Variants in SPAG17 observed in about 807,000 individuals in gnomAD.
SPAG17 encodes sperm-associated antigen 17.
A neutral mutation model predicts 273.6 loss-of-function variants in SPAG17; 169 were observed. That is an observed-to-expected ratio of 0.62 (90% CI 0.55 to 0.70). The LOEUF (loss-of-function observed/expected upper bound fraction) is 0.70, where lower values mean the gene tolerates loss of function less well. Among genes scored for constraint, SPAG17 ranks in the 30% least tolerant of loss-of-function variants. The probability of loss-of-function intolerance (pLI) is 0.00; values close to 1 mark genes in which losing one functional copy is unlikely to be tolerated. For synonymous variants in SPAG17, 825 were observed against 873.2 expected, an observed-to-expected ratio of 0.94 and a Z score of 0.97; for missense variants, 2,557 against 2,627.8, an observed-to-expected ratio of 0.97 and a Z score of 0.59.
chr1:117,988,979 A>G (rs1381622277), intron 38 of SPAG17, among the ~76,000 whole-genome samples: 1 of 152,216 alleles, frequency 6.6e-6, no homozygotes, highest in Non-Finnish European at 1.5e-5. Context: ...TTTGTTTAAA[A>G]AAATACGTTA....
chr1:118,072,042 A>G (rs546703132), intron 17 of SPAG17, among the ~76,000 whole-genome samples: 2 of 152,350 alleles, frequency 1.3e-5, no homozygotes, highest in African/African-American at 2.4e-5. Context: ...TGGAACAAAG[A>G]GAAGATCTTA....
intron 9 of SPAG17, 27 bp downstream of exon 9, chr1:118,091,903 T>C (rs1350683679): frequency 3.1e-6 from 5 of 1,611,430 alleles, no homozygotes; most frequent in Non-Finnish European, 4.2e-6. Context: ...ATGGTGTTGA[T>C]CCTCCAGCAG....
intron 38 of SPAG17, 104 bp downstream of exon 38, chr1:117,990,757 C>T (rs1305375161): frequency 5.7e-6 from 4 of 702,028 alleles, no homozygotes; most frequent in Non-Finnish European, 9.8e-6. Flanking sequence ...GAGATATGTA[C>T]ATGGTGTCTT....
At chr1:118,084,842 A>G (rs775471143) in intron 13 of SPAG17, among the ~76,000 whole-genome samples, 38 of 152,318 alleles carry the variant, frequency 2.5e-4, no homozygotes, top group Non-Finnish European at 3.8e-4. Flanking sequence ...TAATCCTAAA[A>G]CAAATAATTT....
At chr1:118,101,420 C>T (rs1450932947) in intron 5 of SPAG17, among the ~76,000 whole-genome samples, 1 of 152,078 alleles carries the variant, frequency 6.6e-6, no homozygotes, top group Non-Finnish European at 1.5e-5. Context: ...GACCCTGTCT[C>T]AAGAAAAATT....
chr1:118,158,629 T>C (rs989316783), intron 1 of SPAG17, among the ~76,000 whole-genome samples: 3 of 152,164 alleles, frequency 2.0e-5, no homozygotes, highest in African/African-American at 7.2e-5. Context: ...ATAAGACACG[T>C]TTCCTGGCCT....
At position 117,953,657 on chromosome 1, in the gene SPAG17, T is replaced by A; in HGVS notation, c.*393A>T. 3.2e-6 allele frequency: 3 copies of A among 934,580 alleles called. No individual in the cohort carries two copies. The highest frequency in any genetic ancestry group is 4.9e-6 in the Non-Finnish European group (3 of 617,728). 57.9% of individuals were successfully genotyped at this position (934,580 alleles called of 1,614,324 possible). The stretch of plus-strand genomic sequence containing the variant: ...TTTTTGGCAAAAAGTTGATGAGATT[T>A]AAAGATGGGGATTATAACCTGTTTC... On this transcript the variant is annotated 3_prime_UTR_variant, in exon 49 of 49. Transcript: ENST00000336338.
At chr1:118,056,296 C>T (rs980667390) in intron 18 of SPAG17, among the ~76,000 whole-genome samples, 47 of 152,248 alleles carry the variant, frequency 3.1e-4, no homozygotes, top group Admixed American at 4.6e-4. Flanking sequence ...TAATACAATG[C>T]AATCTCTTTT....
rs569972260 is a variant in SPAG17 at position 118,093,075 on chromosome 1, T to C, written c.1173+81A>G. 2.8e-6 allele frequency: 4 copies of C among 1,432,058 alleles called. No homozygotes were observed. In the African/African-American group the frequency reaches 5.7e-5, roughly 20 times the overall value. The allele number at this position is 1,432,058 out of a possible 1,614,324, so 88.7% of individuals were successfully genotyped here. A position where few individuals can be genotyped will look rare whatever the true frequency, so the allele number is the denominator to read the frequency against. ...TAATGTAAGTATTTATGTAACTTTT[T>C]CTTCATATGCCTTATAAATATGAAA... is the stretch of plus-strand genomic sequence containing the variant. On this transcript the variant is annotated intron_variant, in intron 8 of 48. Transcript: ENST00000336338.
intron 26 of SPAG17, 152 bp downstream of exon 26, chr1:118,028,122 G>T: frequency 1.2e-6 from 1 of 832,508 alleles, no homozygotes; most frequent in Non-Finnish European, 1.9e-6. Flanking sequence ...CTTAGACAGT[G>T]CCTGGCCATA....
chr1:117,967,488 A>G (rs575710720), intron 46 of SPAG17, among the ~76,000 whole-genome samples: 1 of 152,254 alleles, frequency 6.6e-6, no homozygotes, highest in East Asian at 1.9e-4. Flanking sequence ...AAAAATCGCA[A>G]AAAAATCTCA....
At chr1:118,145,548 G>A (rs938220391) in intron 3 of SPAG17, among the ~76,000 whole-genome samples, 4 of 152,070 alleles carry the variant, frequency 2.6e-5, no homozygotes, top group Non-Finnish European at 5.9e-5. Context: ...TTATTAAACT[G>A]CATTTGGTCC....
intron 17 of SPAG17, among the ~76,000 whole-genome samples, chr1:118,068,717 T>C (rs923681120): frequency 1.6e-4 from 25 of 152,340 alleles, no homozygotes; most frequent in African/African-American, 6.0e-4. Context: ...GCAGGCACTG[T>C]GCAGGTACTA....
intron 19 of SPAG17, among the ~76,000 whole-genome samples, chr1:118,055,493 G>A (rs770656965): frequency 3.4e-4 from 51 of 152,102 alleles, no homozygotes; most frequent in Middle Eastern, 3.2e-3. Flanking sequence ...ACAACAGATG[G>A]AATCTTCCAG....
chr1:118,179,695 G>GACAAGGGA (rs1311671813), intron 1 of SPAG17, among the ~76,000 whole-genome samples: 26 of 152,080 alleles, frequency 1.7e-4, no homozygotes, highest in African/African-American at 6.3e-4. Flanking sequence ...TTATCCATCT[G>GACAAGGGA]ACAAGGGATT....
intron 2 of SPAG17, 63 bp from the exon 3 acceptor site, chr1:118,150,692 T>C (rs920222630): frequency 3.2e-6 from 3 of 943,746 alleles, no homozygotes; most frequent in Admixed American, 2.4e-5. Context: ...CTTAGATATA[T>C]GTAACTTTCA....
chr1:118,147,827 A>G (rs768667801), intron 3 of SPAG17, among the ~76,000 whole-genome samples: 12 of 152,202 alleles, frequency 7.9e-5, no homozygotes, highest in Non-Finnish European at 1.3e-4. Flanking sequence ...GAAATATGCA[A>G]TGTGGCTCTG....
At chr1:117,970,926 T>C (rs1263248094) in intron 45 of SPAG17, among the ~76,000 whole-genome samples, 2 of 152,184 alleles carry the variant, frequency 1.3e-5, no homozygotes, top group Non-Finnish European at 2.9e-5. Context: ...AATCGTGTGA[T>C]TTGGTGGCCT....
chr1:118,080,763 G>A (rs1453568890), intron 15 of SPAG17, among the ~76,000 whole-genome samples: 1 of 152,120 alleles, frequency 6.6e-6, no homozygotes, highest in African/African-American at 2.4e-5. Flanking sequence ...TTTGAACCAA[G>A]CTCTGTACTG....
Sources: gnomAD v4.1 joint callset for allele counts (sites outside exome capture counted in the v4.1 genomes callset) on GRCh38, gnomAD v4.1.1 for gene constraint, MANE v1.5 for transcripts, NCBI Gene and HGNC (gene_info 2026-07-23, HGNC 2026-07-21) for gene names.